The following TTC7B variants were observed in gnomAD, a reference collection of about 807,000 sequenced individuals.
TTC7B encodes tetratricopeptide repeat protein 7B.
A neutral mutation model predicts 106.8 loss-of-function variants in TTC7B; 28 were observed. That is an observed-to-expected ratio of 0.26 (90% CI 0.19 to 0.36). TTC7B has a LOEUF of 0.36. Among genes scored for constraint, TTC7B ranks in the 10% least tolerant of loss-of-function variants. TTC7B has a pLI of 1.00. For synonymous variants in TTC7B, 405 were observed against 430.6 expected (o/e 0.94, Z 0.74); for missense variants, 862 against 1,076.4 (o/e 0.80, Z 2.79).
chr14:90,728,333 C>T (rs1456618440), intron 5 of TTC7B, among the ~76,000 whole-genome samples: 2 of 130,798 alleles, frequency 1.5e-5, no homozygotes, highest in South Asian at 2.7e-4. Context: ...CCTCGTCCCC[C>T]CCGCAAAAAA....
At chr14:90,601,486 C>T (rs1487022392) in intron 17 of TTC7B, among the ~76,000 whole-genome samples, 1 of 152,108 alleles carries the variant, frequency 6.6e-6, no homozygotes, top group South Asian at 2.1e-4. Flanking sequence ...TCTCTTCTCC[C>T]GGTGAATTAC....
intron 9 of TTC7B, among the ~76,000 whole-genome samples, chr14:90,667,408 G>C (rs1257818774): frequency 5.9e-5 from 9 of 152,128 alleles, no homozygotes; most frequent in Admixed American, 5.2e-4. Context: ...CCTACTGCTT[G>C]CTTTTAGAGC....
chr14:90,715,370 C>G (rs1888614351), intron 5 of TTC7B, among the ~76,000 whole-genome samples: 1 of 152,182 alleles, frequency 6.6e-6, no homozygotes, highest in South Asian at 2.1e-4. Flanking sequence ...CAGAACTACG[C>G]TGCCACTGGT....
intron 4 of TTC7B, among the ~76,000 whole-genome samples, chr14:90,738,043 A>C (rs1274893340): frequency 6.6e-6 from 1 of 152,200 alleles, no homozygotes; most frequent in African/African-American, 2.4e-5. Context: ...CTCTGGAAAT[A>C]TGTTAAAAAC....
At chr14:90,567,779 AGC>A (rs1245496985) in intron 19 of TTC7B, 1 of 152,246 alleles carries the variant, frequency 6.6e-6, no homozygotes, top group African/African-American at 2.4e-5. Flanking sequence ...TGATTAGATT[AGC>A]GCATTTCAAT....
chr14:90,624,181 T>C lies in TTC7B; in HGVS notation c.1752-6136A>G, dbSNP rs66753314. Among the ~76,000 whole-genome samples, 20,817 of 152,300 alleles carry C rather than the reference T, an allele frequency of 0.14. 1,546 individuals carry two copies. The highest frequency in any genetic ancestry group is 0.2 in the South Asian group (975 of 4,828). ...TCTGGTGCACATAAAATCTGGTTTT[T>C]TGAAGGACCTCGTTAATCAAAGTTT... On this transcript the variant is annotated intron_variant, in intron 15 of 19. Transcript: ENST00000328459. The surrounding 1 kb of genome is among the most constrained non-coding windows in gnomAD (Gnocchi z 4.0).
intron 3 of TTC7B, among the ~76,000 whole-genome samples, chr14:90,763,934 T>C (rs143848104): frequency 1.1e-3 from 174 of 152,194 alleles, no homozygotes; most frequent in African/African-American, 3.9e-3. Context: ...TTCAACACAA[T>C]CCCTACCAAG....
intron 3 of TTC7B, among the ~76,000 whole-genome samples, chr14:90,760,494 C>A (rs1890463982): frequency 6.6e-6 from 1 of 152,224 alleles, no homozygotes; most frequent in Non-Finnish European, 1.5e-5. Context: ...AAACCTCACA[C>A]TGGCTTGTCC....
intron 15 of TTC7B, among the ~76,000 whole-genome samples, chr14:90,628,109 G>C (rs530166120): frequency 6.6e-6 from 1 of 152,330 alleles, no homozygotes; most frequent in Non-Finnish European, 1.5e-5. Context: ...CAAGTGAGGG[G>C]CCCAAAACCC....
rs1263318913 is a variant in TTC7B, at chr14:90,538,025, G to A, written c.*3343C>T. ...CAGGGAACAGGAACGCCTTGCCTAAGTTAGGGTCAGCACTAGTCCTGGAAT... is the reference window on the plus strand; with the variant it reads ...CAGGGAACAGGAACGCCTTGCCTAAATTAGGGTCAGCACTAGTCCTGGAAT... On this transcript the variant is annotated 3_prime_UTR_variant, in exon 20 of 20. Coordinates refer to ENST00000328459, the MANE Select transcript of TTC7B (RefSeq NM_001010854.2). The A allele has an allele frequency of 6.6e-6, 1 of 152,236 alleles. No individual in the cohort carries two copies. Among genetic ancestry groups the A allele is most frequent in the Non-Finnish European group, 1.5e-5 (1 of 68,042 alleles). The allele number at this position is 152,236 out of a possible 1,614,324, so 9.4% of individuals were successfully genotyped here. A position where few individuals can be genotyped will look rare whatever the true frequency, so the allele number is the denominator to read the frequency against.
intron 9 of TTC7B, among the ~76,000 whole-genome samples, 156 bp from the exon 10 acceptor site, chr14:90,658,543 G>A (rs2277510): frequency 0.17 from 25,110 of 152,134 alleles, 2,771 homozygotes; most frequent in East Asian, 0.46. Context: ...CGGCTCCTAC[G>A]GAGTCCCCAC....
chr14:90,741,330 CCTAA>C (rs768364397), intron 4 of TTC7B, among the ~76,000 whole-genome samples: 7 of 152,192 alleles, frequency 4.6e-5, no homozygotes, highest in Admixed American at 2.6e-4. Context: ...TCACGACACT[CCTAA>C]CTGTCTCCAA....
intron 7 of TTC7B, among the ~76,000 whole-genome samples, chr14:90,681,236 G>A (rs1184911458): frequency 6.6e-6 from 1 of 152,128 alleles, no homozygotes; most frequent in Non-Finnish European, 1.5e-5. Flanking sequence ...GTGAGCAATT[G>A]CAGCATTTTT....
intron 17 of TTC7B, among the ~76,000 whole-genome samples, chr14:90,606,305 A>T (rs1892636841): frequency 1.3e-5 from 2 of 152,132 alleles, no homozygotes; most frequent in African/African-American, 4.8e-5. Context: ...TTGGGAAAAA[A>T]GCCGGTATGG....
At chr14:90,583,704 C>T (rs1891598409) in intron 18 of TTC7B, among the ~76,000 whole-genome samples, 1 of 152,166 alleles carries the variant, frequency 6.6e-6, no homozygotes. Context: ...GGCTGACTGC[C>T]TCTCACCAAA....
intron 4 of TTC7B, among the ~76,000 whole-genome samples, chr14:90,741,604 C>T (rs1385536207): frequency 6.6e-6 from 1 of 152,174 alleles, no homozygotes; most frequent in South Asian, 2.1e-4. Context: ...ATTCCATCCC[C>T]TTTTCTGTTT....
At chr14:90,698,272 T>C (rs947396486) in intron 5 of TTC7B, 14 of 152,208 alleles carry the variant, frequency 9.2e-5, no homozygotes, top group African/African-American at 2.9e-4. Flanking sequence ...GAAGTTAACT[T>C]GCAAGAATTC....
intron 10 of TTC7B, chr14:90,658,059 A>C (rs1886022932): frequency 1.9e-6 from 1 of 518,216 alleles, no homozygotes; most frequent in African/African-American, 1.9e-5. Flanking sequence ...TGTCCATGAC[A>C]CCTGATGAAG....
intron 15 of TTC7B, among the ~76,000 whole-genome samples, chr14:90,639,467 C>T (rs760545871): frequency 4.6e-5 from 7 of 152,110 alleles, no homozygotes; most frequent in African/African-American, 9.7e-5. Context: ...ATGAGGGATG[C>T]GCAACTTAAA....
Sources: gnomAD v4.1 joint callset for allele counts (sites outside exome capture counted in the v4.1 genomes callset) on GRCh38, gnomAD v4.1.1 for gene constraint, Gnocchi (gnomAD v3.1) non-coding constraint, MANE v1.5 for transcripts, NCBI Gene and HGNC (gene_info 2026-07-23, HGNC 2026-07-21) for gene names.